Variants in SNTG1 observed in about 807,000 individuals in gnomAD.
The protein encoded by SNTG1 is gamma-1-syntrophin.
A neutral mutation model predicts 74.7 loss-of-function variants in SNTG1; 39 were observed. The observed-to-expected ratio is 0.52, with a 90% CI of 0.40 to 0.68. The LOEUF is 0.68. Among genes scored for constraint, SNTG1 ranks in the 30% least tolerant of loss-of-function variants. The probability of loss-of-function intolerance (pLI) is 0.00; values close to 1 mark genes in which losing one functional copy is unlikely to be tolerated. For missense variants in SNTG1, 685 were observed against 609.5 expected, an observed-to-expected ratio of 1.12 and a Z score of -1.30; for synonymous variants, 254 against 217.1, an observed-to-expected ratio of 1.17 and a Z score of -1.49.
At chr8:50,492,837 G>A (rs1289090248) in intron 8 of SNTG1, among the ~76,000 whole-genome samples, 3 of 152,148 alleles carry the variant, frequency 2.0e-5, no homozygotes, top group African/African-American at 7.2e-5. Context: ...TACTGTCTAG[G>A]TTTCCTTCTA....
At chr8:50,392,114 A>G (rs1251708284) in intron 2 of SNTG1, among the ~76,000 whole-genome samples, 1 of 152,206 alleles carries the variant, frequency 6.6e-6, no homozygotes, top group African/African-American at 2.4e-5. Context: ...TAAACTTTAG[A>G]TAGTACTAAT....
chr8:50,014,616 C>T (rs149532108), intron 1 of SNTG1, among the ~76,000 whole-genome samples: 72 of 152,248 alleles, frequency 4.7e-4, no homozygotes, highest in African/African-American at 1.0e-3. Flanking sequence ...TCTTGTAATA[C>T]GCTGCCTGAA....
chr8:50,725,816 C>A (rs1284945752), intron 17 of SNTG1, among the ~76,000 whole-genome samples: 6 of 152,112 alleles, frequency 3.9e-5, no homozygotes, highest in Non-Finnish European at 8.8e-5. Context: ...TTTTGCTAAC[C>A]AGGAGAATAT....
intron 1 of SNTG1, among the ~76,000 whole-genome samples, chr8:50,131,836 C>A (rs1302134871): frequency 6.6e-6 from 1 of 151,950 alleles, no homozygotes; most frequent in Non-Finnish European, 1.5e-5. Context: ...ACATCCTTCC[C>A]AACACTTGTT....
chr8:50,746,638 C>T (rs930819898), intron 17 of SNTG1, among the ~76,000 whole-genome samples: 1 of 151,548 alleles, frequency 6.6e-6, no homozygotes, highest in African/African-American at 2.4e-5. Flanking sequence ...CTAAAGATAT[C>T]TAAATAAATG....
intron 2 of SNTG1, among the ~76,000 whole-genome samples, chr8:50,333,807 G>GA (rs1047094154): frequency 4.6e-5 from 7 of 151,764 alleles, no homozygotes; most frequent in African/African-American, 1.5e-4. Context: ...AAATCCTCCA[G>GA]AAAAAAATAA....
At chr8:49,920,583 A>G (rs75723706) in intron 1 of SNTG1, among the ~76,000 whole-genome samples, 2,086 of 152,156 alleles carry the variant, frequency 0.014, 50 homozygotes, top group African/African-American at 0.045. Flanking sequence ...AACAAACAGA[A>G]CAGCTGAATT....
chr8:50,656,731 A>T (rs2131268075), intron 13 of SNTG1, among the ~76,000 whole-genome samples, 178 bp from the exon 14 acceptor site: 1 of 152,294 alleles, frequency 6.6e-6, no homozygotes. Context: ...CATTTACTGA[A>T]GCCAAATCTG....
chr8:50,629,718 T>A (rs1203254396), intron 13 of SNTG1, among the ~76,000 whole-genome samples: 5 of 152,168 alleles, frequency 3.3e-5, no homozygotes, highest in Non-Finnish European at 5.9e-5. Context: ...AAGATTTACA[T>A]ATAGCATTTA....
intron 15 of SNTG1, among the ~76,000 whole-genome samples, chr8:50,690,932 C>A (rs1204459247): frequency 6.6e-6 from 1 of 152,136 alleles, no homozygotes; most frequent in African/African-American, 2.4e-5. Flanking sequence ...CTGGGTGCTC[C>A]TGTATTGGGT....
At chr8:50,530,981 G>C (rs2625733) in intron 10 of SNTG1, among the ~76,000 whole-genome samples, 61,035 of 152,054 alleles carry the variant, frequency 0.4, 16,672 homozygotes, top group African/African-American at 0.78. Flanking sequence ...AGAAGCAGAG[G>C]TGACGTTAAG....
chr8:50,470,092 G>T (rs1413581226), intron 8 of SNTG1, among the ~76,000 whole-genome samples: 1 of 152,156 alleles, frequency 6.6e-6, no homozygotes, highest in African/African-American at 2.4e-5. Context: ...TTATATGAGG[G>T]AACATTCCAA....
intron 1 of SNTG1, among the ~76,000 whole-genome samples, chr8:49,934,311 CT>C (rs1439331305): frequency 6.6e-6 from 1 of 151,786 alleles, no homozygotes; most frequent in East Asian, 1.9e-4. Flanking sequence ...ATCTATCTAT[CT>C]ATCTATCTAT....
At chr8:50,554,258 A>T (rs1175052727) in intron 12 of SNTG1, among the ~76,000 whole-genome samples, 2 of 152,118 alleles carry the variant, frequency 1.3e-5, no homozygotes, top group Admixed American at 1.3e-4. Context: ...TGGTGATGGG[A>T]TCCTCTGGGA....
chr8:50,759,121 T>G (rs1389370068), intron 18 of SNTG1, among the ~76,000 whole-genome samples: 1 of 152,152 alleles, frequency 6.6e-6, no homozygotes, highest in Admixed American at 6.5e-5. Context: ...TTGAAAATTG[T>G]CTGTTCATAT....
At chr8:50,484,082 T>TTCTTTCTC (rs1376610951) in intron 8 of SNTG1, among the ~76,000 whole-genome samples, 7 of 150,068 alleles carry the variant, frequency 4.7e-5, no homozygotes, top group Admixed American at 1.3e-4. Context: ...TTTTCTCTTT[T>TTCTTTCTC]TCTTTCTCTC....
At chr8:50,565,067 C>T (rs1419001621) in intron 12 of SNTG1, among the ~76,000 whole-genome samples, 1 of 151,976 alleles carries the variant, frequency 6.6e-6, no homozygotes, top group Non-Finnish European at 1.5e-5. Context: ...CTGTGATTTT[C>T]GTCCCCAAAT....
chr8:50,157,705 T>TA (rs1450921546), intron 1 of SNTG1, among the ~76,000 whole-genome samples: 1 of 151,980 alleles, frequency 6.6e-6, no homozygotes, highest in African/African-American at 2.4e-5. Flanking sequence ...AAAACGGAGG[T>TA]AAAATTCAAG....
intron 1 of SNTG1, among the ~76,000 whole-genome samples, chr8:50,109,922 T>C (rs1216736047): frequency 1.3e-5 from 2 of 152,162 alleles, no homozygotes; most frequent in African/African-American, 4.8e-5. Context: ...CACCACCTTT[T>C]TCTTTCTCTA....
Sources: gnomAD v4.1 joint callset for allele counts (sites outside exome capture counted in the v4.1 genomes callset) on GRCh38, gnomAD v4.1.1 for gene constraint, MANE v1.5 for transcripts, NCBI Gene and HGNC (gene_info 2026-07-23, HGNC 2026-07-21) for gene names.